The following RARB variants were observed in gnomAD, a reference collection of about 807,000 sequenced individuals.
RARB encodes the protein retinoic acid receptor beta.
In RARB, 17 loss-of-function variants were observed where a neutral mutation model predicts 51.9. The observed-to-expected ratio is 0.33, with a 90% CI of 0.22 to 0.49. RARB has a LOEUF of 0.49. Ranked by LOEUF, RARB falls within the 20% of genes least tolerant of loss-of-function variation. RARB has a pLI of 0.99. For synonymous variants in RARB, 215 were observed against 195.4 expected, an observed-to-expected ratio of 1.10 and a Z score of -0.84; for missense variants, 369 against 550.8, an observed-to-expected ratio of 0.67 and a Z score of 3.30.
chr3:25,283,415 T>G (rs1263180701), intron 5 of RARB, among the ~76,000 whole-genome samples: 2 of 152,214 alleles, frequency 1.3e-5, no homozygotes, highest in Non-Finnish European at 1.5e-5. Context: ...TTAAATGACT[T>G]CCTTCTCTAT....
At chr3:24,919,528 G>A (rs771754940) in intron 2 of RARB, among the ~76,000 whole-genome samples, 7 of 151,884 alleles carry the variant, frequency 4.6e-5, no homozygotes, top group Non-Finnish European at 8.8e-5. Context: ...TTTACTGTAC[G>A]TCACTTTCTT....
At chr3:25,202,960 G>C (rs1291327157) in intron 5 of RARB, among the ~76,000 whole-genome samples, 2 of 152,156 alleles carry the variant, frequency 1.3e-5, no homozygotes, top group Non-Finnish European at 2.9e-5. Flanking sequence ...TCTGCTTGGT[G>C]CAGAGCTGAG....
At chr3:25,079,448 A>G (rs77125179) in intron 3 of RARB, among the ~76,000 whole-genome samples, 2,352 of 152,284 alleles carry the variant, frequency 0.015, 51 homozygotes, top group African/African-American at 0.049. Context: ...CCTTCCTCCA[A>G]TCTTAAGGGG....
At chr3:25,500,668 A>G (rs1697268434) in intron 2 of RARB, among the ~76,000 whole-genome samples, 1 of 151,716 alleles carries the variant, frequency 6.6e-6, no homozygotes, top group Non-Finnish European at 1.5e-5. Flanking sequence ...TAGTAGAGAC[A>G]GGGTTTCACC....
chr3:25,040,226 A>G (rs1698085022), intron 2 of RARB, among the ~76,000 whole-genome samples: 1 of 152,178 alleles, frequency 6.6e-6, no homozygotes, highest in South Asian at 2.1e-4. Flanking sequence ...TTCTATAGTG[A>G]TGGAAAGGAG....
intron 2 of RARB, among the ~76,000 whole-genome samples, chr3:24,992,124 C>G (rs1696926337): frequency 6.6e-6 from 1 of 152,146 alleles, no homozygotes; most frequent in Admixed American, 6.6e-5. Context: ...TACCGCAAAC[C>G]TAATGTGCAT....
chr3:25,032,724 G>A (rs1173801797), intron 2 of RARB, among the ~76,000 whole-genome samples: 1 of 152,164 alleles, frequency 6.6e-6, no homozygotes, highest in Non-Finnish European at 1.5e-5. Context: ...GGGTATTTCA[G>A]CAGGGGGCAG....
At chr3:25,444,340 G>C (rs796159487) in intron 1 of RARB, among the ~76,000 whole-genome samples, 2 of 152,170 alleles carry the variant, frequency 1.3e-5, no homozygotes, top group South Asian at 2.1e-4. Flanking sequence ...AAGAGGGATG[G>C]GGAAGATTAG....
At chr3:24,997,312 T>A (rs1404842308) in intron 2 of RARB, among the ~76,000 whole-genome samples, 4 of 152,122 alleles carry the variant, frequency 2.6e-5, no homozygotes, top group African/African-American at 9.7e-5. Context: ...GCATGGAATA[T>A]TTTTCTCCAT....
At chr3:25,074,996 C>T (rs1370109075) in intron 3 of RARB, among the ~76,000 whole-genome samples, 1 of 152,138 alleles carries the variant, frequency 6.6e-6, no homozygotes, top group Non-Finnish European at 1.5e-5. Context: ...GTTAATTTTC[C>T]TGAAAATAAT....
intron 1 of RARB, among the ~76,000 whole-genome samples, chr3:24,856,227 C>A (rs912101739): frequency 2.0e-5 from 3 of 152,214 alleles, no homozygotes; most frequent in East Asian, 1.9e-4. Context: ...GACCTTCCCC[C>A]AAATGAGCCA....
chr3:24,901,086 G>A (rs374605927), intron 2 of RARB, among the ~76,000 whole-genome samples: 3 of 152,138 alleles, frequency 2.0e-5, no homozygotes, highest in South Asian at 2.1e-4. Flanking sequence ...TAGGTTTATG[G>A]CTCTTGGAAT....
At chr3:25,383,094 A>G (rs933107598) in intron 5 of RARB, among the ~76,000 whole-genome samples, 1 of 152,204 alleles carries the variant, frequency 6.6e-6, no homozygotes, top group East Asian at 1.9e-4. Flanking sequence ...ATGCAAGTAC[A>G]AATTCCTGTG....
At chr3:25,130,786 A>G (rs1699932755) in intron 3 of RARB, among the ~76,000 whole-genome samples, 6 of 151,752 alleles carry the variant, frequency 4.0e-5, no homozygotes, top group Admixed American at 4.0e-4. Context: ...TCATCCTTGC[A>G]TACAGAAACT....
intron 2 of RARB, among the ~76,000 whole-genome samples, chr3:25,023,723 G>A (rs2125286156): frequency 6.6e-6 from 1 of 152,324 alleles, no homozygotes; most frequent in South Asian, 2.1e-4. Context: ...TGAAAGGACA[G>A]AGTGGAAGTT....
chr3:25,209,115 G>A (rs1384957381), intron 5 of RARB, among the ~76,000 whole-genome samples: 2 of 152,192 alleles, frequency 1.3e-5, no homozygotes, highest in East Asian at 3.9e-4. Flanking sequence ...ATATATGTGA[G>A]TCCACAGACC....
intron 5 of RARB, among the ~76,000 whole-genome samples, chr3:25,392,703 G>A (rs536511337): frequency 6.6e-6 from 1 of 152,108 alleles, no homozygotes; most frequent in Admixed American, 6.5e-5. Flanking sequence ...CACTGTAGAT[G>A]CATAGCAGTG....
chr3:24,942,153 T>C (rs1695680800), intron 2 of RARB, among the ~76,000 whole-genome samples: 1 of 152,212 alleles, frequency 6.6e-6, no homozygotes, highest in African/African-American at 2.4e-5. Context: ...GCGGTAAAAC[T>C]GGGACTGAAA....
intron 5 of RARB, among the ~76,000 whole-genome samples, chr3:25,289,208 C>T (rs1233791254): frequency 6.6e-6 from 1 of 152,184 alleles, no homozygotes; most frequent in Non-Finnish European, 1.5e-5. Context: ...GAGTGTCTCA[C>T]CCTGTTTTTT....
Sources: allele counts gnomAD v4.1 joint callset (sites outside exome capture counted in the v4.1 genomes callset), GRCh38; gene constraint gnomAD v4.1.1; transcripts MANE v1.5; gene names NCBI Gene and HGNC (gene_info 2026-07-23, HGNC 2026-07-21).